Variants in KCNK10 observed in about 807,000 individuals in gnomAD.
The protein encoded by KCNK10 is potassium two pore domain channel subfamily K member 10.
A neutral mutation model predicts 47.7 loss-of-function variants in KCNK10; 25 were observed. That is an observed-to-expected ratio of 0.52 (90% confidence interval 0.38 to 0.73). The LOEUF is 0.73. Ranked by LOEUF, KCNK10 falls within the 30% of genes least tolerant of loss-of-function variation. KCNK10 has a pLI of 0.00. For missense variants in KCNK10, 563 were observed against 714.5 expected (o/e 0.79, Z 2.42); for synonymous variants, 303 against 285.6 (o/e 1.06, Z -0.61).
At chr14:88,242,593 C>T (rs945820576) in intron 2 of KCNK10, among the ~76,000 whole-genome samples, 4 of 152,180 alleles carry the variant, frequency 2.6e-5, no homozygotes, top group Non-Finnish European at 5.9e-5. Context: ...CAAAACCTGG[C>T]ACCCTAGAAT....
At chr14:88,215,360 A>G (rs1347308036) in intron 4 of KCNK10, among the ~76,000 whole-genome samples, 1 of 152,202 alleles carries the variant, frequency 6.6e-6, no homozygotes, top group African/African-American at 2.4e-5. Context: ...ACGAGTGTCA[A>G]GCAAAGGGGT....
intron 4 of KCNK10, among the ~76,000 whole-genome samples, chr14:88,212,596 G>A (rs1003348368): frequency 6.6e-6 from 1 of 152,122 alleles, no homozygotes; most frequent in African/African-American, 2.4e-5. Context: ...CTGTCCACTG[G>A]CAATGCTTGA....
chr14:88,205,447 T>C (rs868741206), intron 4 of KCNK10, among the ~76,000 whole-genome samples: 17 of 152,092 alleles, frequency 1.1e-4, no homozygotes, highest in Admixed American at 2.0e-4. Flanking sequence ...TCACTGTCTG[T>C]CCATCCATCC....
chr14:88,195,516 T>C (rs553393138), intron 4 of KCNK10, among the ~76,000 whole-genome samples: 3 of 152,322 alleles, frequency 2.0e-5, no homozygotes, highest in African/African-American at 7.2e-5. Context: ...ATAATCTCTG[T>C]TTAGCTTCAG....
intron 1 of KCNK10, among the ~76,000 whole-genome samples, chr14:88,301,351 C>T (rs1420847027): frequency 6.6e-6 from 1 of 152,120 alleles, no homozygotes; most frequent in African/African-American, 2.4e-5. Context: ...CTTCTTAAAA[C>T]TCTCTCCTCC....
At chr14:88,199,216 G>A (rs533554063) in intron 4 of KCNK10, among the ~76,000 whole-genome samples, 12 of 152,052 alleles carry the variant, frequency 7.9e-5, no homozygotes, top group Admixed American at 2.0e-4. Flanking sequence ...CACCGTGCCC[G>A]GCCCATGATT....
At chr14:88,205,654 C>T (rs12895712) in intron 4 of KCNK10, among the ~76,000 whole-genome samples, 32,759 of 149,524 alleles carry the variant, frequency 0.22, 4,624 homozygotes, top group Non-Finnish European at 0.31. Flanking sequence ...AAGTGATTCT[C>T]CTGCCTCAGC....
intron 1 of KCNK10, among the ~76,000 whole-genome samples, chr14:88,283,697 G>A (rs941863466): frequency 6.6e-6 from 1 of 152,200 alleles, no homozygotes; most frequent in Non-Finnish European, 1.5e-5. Context: ...GGATCACGAG[G>A]TCAAGAGATC....
Position 88,322,515 on chromosome 14 carries a change from T to C in KCNK10, c.52+232A>G, listed in dbSNP as rs545792685. 1.3e-4 allele frequency among the ~76,000 whole-genome samples: 20 copies of C among 152,276 alleles called. No individual in the cohort carries two copies. The East Asian group carries it at 3.3e-3, about 25-fold the overall frequency. On this transcript the variant is annotated intron_variant, in intron 1 of 6. Coordinates refer to ENST00000319231, the MANE Select transcript of KCNK10 (RefSeq NM_138317.3). This position sits in a 1 kb window ranked among gnomAD's most constrained non-coding sequence, Gnocchi z 4.8. ...AAACAGTCGGCTTGGTCTATCTAAA[T>C]AGATCTGGAGACAATCTAGGAGGGA...
chr14:88,274,296 CTACAGATCCACAGTA>C (rs1887477178), intron 1 of KCNK10, among the ~76,000 whole-genome samples: 1 of 151,948 alleles, frequency 6.6e-6, no homozygotes, highest in Non-Finnish European at 1.5e-5. Flanking sequence ...TACTGTGGAT[CTACAGATCCACAGTA>C]GAAAGCAAAA....
chr14:88,295,538 T>C (rs901553848), intron 1 of KCNK10, among the ~76,000 whole-genome samples: 4 of 152,082 alleles, frequency 2.6e-5, no homozygotes, highest in African/African-American at 9.7e-5. Context: ...CGGGCACCTG[T>C]AGTCCCAGCT....
intron 4 of KCNK10, among the ~76,000 whole-genome samples, chr14:88,217,072 G>A (rs143426690): frequency 6.6e-6 from 1 of 152,322 alleles, no homozygotes; most frequent in East Asian, 1.9e-4. Context: ...CAGGAGAGTC[G>A]CTTGAACCCA....
intron 1 of KCNK10, among the ~76,000 whole-genome samples, chr14:88,304,593 C>T (rs533985527): frequency 8.5e-5 from 13 of 152,308 alleles, no homozygotes; most frequent in South Asian, 4.1e-4. Flanking sequence ...CTTGTTCGAG[C>T]GCTCATGCTG....
In KCNK10 at chr14:88,296,831, C is replaced by T. The variant is rs181793822; in HGVS notation, c.52+25916G>A. 2.6e-3 allele frequency among the ~76,000 whole-genome samples: 392 copies of T among 152,262 alleles called. 2 individuals carry two copies. Among genetic ancestry groups the T allele is most frequent in the Middle Eastern group, 0.01 (3 of 292 alleles). On this transcript the variant is annotated intron_variant, in intron 1 of 6. Coordinates refer to ENST00000319231, the MANE Select transcript of KCNK10 (RefSeq NM_138317.3). ...CATTAGTAGTGAACTCCAAATAGGA[C>T]CATTACATCGGCCAAAGCATGGTAC...
At chr14:88,258,497 G>A (rs967866681) in intron 2 of KCNK10, among the ~76,000 whole-genome samples, 1 of 152,108 alleles carries the variant, frequency 6.6e-6, no homozygotes, top group Non-Finnish European at 1.5e-5. Context: ...CACCATGTTG[G>A]TCAGGCTGGT....
chr14:88,326,421 A>G (rs1035175883), upstream of KCNK10: 1 of 1,613,148 alleles, frequency 6.2e-7, no homozygotes, highest in Non-Finnish European at 8.5e-7. Context: ...TCACTTACCC[A>G]AGGAAAGAAA....
intron 4 of KCNK10, among the ~76,000 whole-genome samples, chr14:88,199,463 A>G (rs1318052772): frequency 1.3e-5 from 2 of 152,068 alleles, no homozygotes; most frequent in East Asian, 3.9e-4. Flanking sequence ...CCATTAAGGA[A>G]CCCTGAGCCC....
intron 1 of KCNK10, among the ~76,000 whole-genome samples, chr14:88,296,511 C>A (rs1434425390): frequency 6.6e-6 from 1 of 152,188 alleles, no homozygotes; most frequent in Non-Finnish European, 1.5e-5. Flanking sequence ...CCTAATCTCT[C>A]TTGGTATGAG....
chr14:88,231,728 G>A (rs749055966), intron 3 of KCNK10, among the ~76,000 whole-genome samples: 38 of 152,208 alleles, frequency 2.5e-4, no homozygotes, highest in Admixed American at 1.3e-3. Flanking sequence ...CATTGACAGA[G>A]CAGAGTCTGC....
Sources: gnomAD v4.1 joint callset for allele counts (sites outside exome capture counted in the v4.1 genomes callset) on GRCh38, gnomAD v4.1.1 for gene constraint, Gnocchi (gnomAD v3.1) non-coding constraint, MANE v1.5 for transcripts, NCBI Gene and HGNC (gene_info 2026-07-23, HGNC 2026-07-21) for gene names.